SNTG1: variants seen among roughly 807,000 people sequenced by gnomAD.
The protein encoded by SNTG1 is syntrophin gamma 1.
A neutral mutation model predicts 74.7 loss-of-function variants in SNTG1; 39 were observed. That is an observed-to-expected ratio of 0.52 (90% CI 0.40 to 0.68). The LOEUF (loss-of-function observed/expected upper bound fraction) is 0.68. SNTG1 is among the 30% of genes least tolerant of loss of function. SNTG1 has a pLI of 0.00. For missense variants in SNTG1, 685 were observed against 609.5 expected (o/e 1.12, Z -1.30); for synonymous variants, 254 against 217.1 (o/e 1.17, Z -1.49).
intron 15 of SNTG1, among the ~76,000 whole-genome samples, chr8:50,672,672 C>A (rs1367113685): frequency 6.6e-6 from 1 of 152,156 alleles, no homozygotes; most frequent in Non-Finnish European, 1.5e-5. Context: ...TTTTGCTGTG[C>A]AGAAGCTCTT....
chr8:50,741,268 G>A (rs748030733), intron 17 of SNTG1, among the ~76,000 whole-genome samples: 31 of 152,086 alleles, frequency 2.0e-4, no homozygotes, highest in Non-Finnish European at 3.4e-4. Flanking sequence ...CATTACAGGT[G>A]TGTGCCACCA....
intron 17 of SNTG1, among the ~76,000 whole-genome samples, chr8:50,710,363 G>A (rs1364550301): frequency 6.6e-6 from 1 of 151,834 alleles, no homozygotes; most frequent in Non-Finnish European, 1.5e-5. Flanking sequence ...ATCAAATCAA[G>A]ATAGGCTCCT....
chr8:50,481,181 G>A (rs1428504650), intron 8 of SNTG1, among the ~76,000 whole-genome samples: 1 of 152,130 alleles, frequency 6.6e-6, no homozygotes, highest in Non-Finnish European at 1.5e-5. Flanking sequence ...AGGAGATTGA[G>A]ACCATCCTGG....
At chr8:50,416,903 A>C (rs2093021440) in intron 4 of SNTG1, among the ~76,000 whole-genome samples, 1 of 152,098 alleles carries the variant, frequency 6.6e-6, no homozygotes, top group South Asian at 2.1e-4. Context: ...CCATAGCTTA[A>C]CACCTGAGTG....
intron 11 of SNTG1, among the ~76,000 whole-genome samples, chr8:50,546,644 G>A (rs1310794839): frequency 6.7e-6 from 1 of 149,190 alleles, no homozygotes; most frequent in Non-Finnish European, 1.5e-5. Flanking sequence ...TTGGATTTTT[G>A]TCCTTGTGGT....
chr8:50,532,502 A>T (rs992386585), intron 10 of SNTG1, among the ~76,000 whole-genome samples: 1 of 152,226 alleles, frequency 6.6e-6, no homozygotes, highest in African/African-American at 2.4e-5. Flanking sequence ...AGAGACTTTG[A>T]CCATCTGACT....
intron 1 of SNTG1, among the ~76,000 whole-genome samples, chr8:50,033,246 C>T (rs975107991): frequency 6.6e-4 from 101 of 152,044 alleles, no homozygotes; most frequent in African/African-American, 2.4e-3. Flanking sequence ...GCCTCAGCCT[C>T]CTGAGTAGCT....
At chr8:50,364,443 C>CTCTTTTTCTT (rs2092050199) in intron 2 of SNTG1, among the ~76,000 whole-genome samples, 1 of 152,160 alleles carries the variant, frequency 6.6e-6, no homozygotes, top group South Asian at 2.1e-4. Flanking sequence ...CTGTCATGGG[C>CTCTTTTTCTT]TCTTTTTCTT....
chr8:50,518,489 A>G (rs1468140354), intron 9 of SNTG1, among the ~76,000 whole-genome samples: 1 of 152,202 alleles, frequency 6.6e-6, no homozygotes, highest in Non-Finnish European at 1.5e-5. Context: ...AGACTCAAAA[A>G]AACCTTCAAA....
At chr8:50,282,547 T>C (rs747745232) in intron 2 of SNTG1, among the ~76,000 whole-genome samples, 4 of 152,134 alleles carry the variant, frequency 2.6e-5, no homozygotes, top group Non-Finnish European at 5.9e-5. Context: ...GGGTCTCTGT[T>C]AGCTATATAA....
intron 12 of SNTG1, among the ~76,000 whole-genome samples, chr8:50,573,414 T>C (rs1252474121): frequency 6.6e-6 from 1 of 151,946 alleles, no homozygotes. Flanking sequence ...CTCTATTTAA[T>C]GGATCTATAA....
chr8:50,061,463 G>A (rs1196854009), intron 1 of SNTG1, among the ~76,000 whole-genome samples: 2 of 151,820 alleles, frequency 1.3e-5, no homozygotes, highest in Non-Finnish European at 2.9e-5. Flanking sequence ...TAGAAAACCA[G>A]TTTCTTTCAT....
intron 1 of SNTG1, among the ~76,000 whole-genome samples, chr8:50,114,059 T>C (rs2080717128): frequency 6.6e-6 from 1 of 152,090 alleles, no homozygotes; most frequent in Admixed American, 6.6e-5. Flanking sequence ...AGACTAATAA[T>C]CTAGGAATAG....
intron 8 of SNTG1, among the ~76,000 whole-genome samples, chr8:50,501,595 C>T (rs1457575265): frequency 6.8e-6 from 1 of 146,088 alleles, no homozygotes; most frequent in Non-Finnish European, 1.5e-5. Context: ...GCCACGAAGA[C>T]CGGTTATTTT....
chr8:50,282,755 ACT>A (rs1211980050), intron 2 of SNTG1, among the ~76,000 whole-genome samples: 1 of 151,628 alleles, frequency 6.6e-6, no homozygotes, highest in African/African-American at 2.4e-5. Flanking sequence ...GACAGAAGAG[ACT>A]CTGTCCATCT....
chr8:50,168,690 A>G (rs1229489994), intron 1 of SNTG1, among the ~76,000 whole-genome samples: 1 of 152,154 alleles, frequency 6.6e-6, no homozygotes, highest in Non-Finnish European at 1.5e-5. Context: ...CTATATTTGT[A>G]TTTTATTCTA....
intron 4 of SNTG1, among the ~76,000 whole-genome samples, chr8:50,435,803 T>C (rs2093295805): frequency 6.6e-6 from 1 of 152,184 alleles, no homozygotes; most frequent in African/African-American, 2.4e-5. Flanking sequence ...TTTGAGATTC[T>C]TTTGGTGGTT....
chr8:50,771,192 G>T (rs1482778267), intron 18 of SNTG1, among the ~76,000 whole-genome samples: 2 of 152,194 alleles, frequency 1.3e-5, no homozygotes, highest in South Asian at 4.1e-4. Context: ...GGGATCCTTA[G>T]GGTGATTCTG....
At chr8:50,029,326 A>G (rs1221117962) in intron 1 of SNTG1, among the ~76,000 whole-genome samples, 1 of 152,142 alleles carries the variant, frequency 6.6e-6, no homozygotes, top group Non-Finnish European at 1.5e-5. Flanking sequence ...TCAAACATTT[A>G]TCATTTCTTT....
Sources: allele counts gnomAD v4.1 joint callset (sites outside exome capture counted in the v4.1 genomes callset), GRCh38; gene constraint gnomAD v4.1.1; transcripts MANE v1.5; gene names NCBI Gene and HGNC (gene_info 2026-07-23, HGNC 2026-07-21).